Variants in PASD1 observed in about 807,000 individuals in gnomAD.
PASD1 encodes PAS domain containing repressor 1.
A neutral mutation model predicts 58.8 loss-of-function variants in PASD1; 13 were observed. That is an observed-to-expected ratio of 0.22 (90% CI 0.14 to 0.35). The LOEUF is 0.35. Ranked by LOEUF, PASD1 falls within the 10% of genes least tolerant of loss-of-function variation. PASD1 has a pLI of 1.00. For missense variants in PASD1, 734 were observed against 568.3 expected (o/e 1.29, Z -2.96); for synonymous variants, 236 against 216.7 (o/e 1.09, Z -0.78).
intron 9 of PASD1, among the ~76,000 whole-genome samples, chrX:151,651,089 A>G (rs375730589): frequency 8.9e-6 from 1 of 112,003 alleles, no homozygotes; most frequent in South Asian, 3.7e-4. Flanking sequence ...AGTACTCACA[A>G]AGGGTTAGTA....
intron 10 of PASD1, among the ~76,000 whole-genome samples, chrX:151,660,969 C>A (rs773053839): frequency 1.8e-5 from 2 of 111,206 alleles, no homozygotes; most frequent in African/African-American, 6.5e-5. Context: ...CTGGCTAACA[C>A]GGTGAAACCC....
At chrX:151,586,413 C>A (rs1045687169) in intron 1 of PASD1, among the ~76,000 whole-genome samples, 1 of 111,817 alleles carries the variant, frequency 8.9e-6, no homozygotes, top group Non-Finnish European at 1.9e-5. Flanking sequence ...CAAATGTTTA[C>A]AGACTGATTT....
Position 151,604,702 on chromosome X carries a change from A to C in PASD1, c.85A>C (p.Thr29Pro). The change falls in exon 3 of 16, where the codon ACC becomes CCC. Residue 29 changes from threonine (T) to proline (P), a missense_variant. Thr to Pro is a conservative substitution (Grantham distance 38). Coordinates refer to ENST00000370357, the MANE Select transcript of PASD1 (RefSeq NM_173493.3). The part of the protein sequence containing the change: ...RKLNWIPSFP[T>P]YDYFNQVTLQ... ...ATTAAACTGGATTCCATCATTTCCT[A>C]CCTATGATTACTTCAACCAAGTGAC... 8.3e-7 allele frequency: 1 copy of C among 1,208,316 alleles called. No homozygotes were observed. The highest frequency in any genetic ancestry group is 1.1e-6 in the Non-Finnish European group (1 of 892,889).
At chrX:151,630,910 A>G (rs1356323512) in intron 8 of PASD1, among the ~76,000 whole-genome samples, 1 of 112,121 alleles carries the variant, frequency 8.9e-6, no homozygotes, top group African/African-American at 3.2e-5. Flanking sequence ...CATTGAGGCT[A>G]CAGGTGTACC....
Position 151,623,031 on chromosome X carries a change from A to G in PASD1, c.513A>G (p.Gly171=), listed in dbSNP as rs5924977. Residue 171 remains glycine (G), a synonymous_variant, in exon 7 of 16, where the codon GGA becomes GGG. Coordinates refer to ENST00000370357, the MANE Select transcript of PASD1 (RefSeq NM_173493.3). ...VPQEDRLYLV[G]NVCILRTQLL... The stretch of plus-strand genomic sequence containing the variant: ...AGGAGGATCGGCTTTATCTTGTGGG[A>G]AATGTTTGCATTCTCAGGACTCAGC... The G allele has an allele frequency of 0.16, 195,509 of 1,205,328 alleles. 11,070 individuals carry two copies. Among genetic ancestry groups the G allele is most frequent in the South Asian group, 0.18 (10,412 of 56,450 alleles).
At chrX:151,648,561 G>C in intron 8 of PASD1, 54 bp from the exon 9 acceptor site, 1 of 1,093,506 alleles carries the variant, frequency 9.1e-7, no homozygotes, top group Non-Finnish European at 1.3e-6. Flanking sequence ...AGAAAATTTT[G>C]ATTTAAATGG....
intron 1 of PASD1, among the ~76,000 whole-genome samples, chrX:151,599,749 C>G (rs1304101084): frequency 9.3e-6 from 1 of 107,963 alleles, no homozygotes; most frequent in Non-Finnish European, 1.9e-5. Context: ...GATGGGATGA[C>G]GGCTGGGAAG....
intron 9 of PASD1, among the ~76,000 whole-genome samples, chrX:151,657,307 G>A (rs763376088): frequency 1.8e-5 from 2 of 111,812 alleles, no homozygotes; most frequent in East Asian, 2.8e-4. Flanking sequence ...AGGGATATTG[G>A]TCTAAAATTC....
intron 10 of PASD1, among the ~76,000 whole-genome samples, chrX:151,663,592 T>C (rs1298170707): frequency 8.9e-6 from 1 of 112,322 alleles, no homozygotes; most frequent in Non-Finnish European, 1.9e-5. Flanking sequence ...TTGGGAAGTA[T>C]GTGTTTAACT....
chrX:151,607,317 T>C (rs1055859495), intron 3 of PASD1, among the ~76,000 whole-genome samples: 3 of 112,370 alleles, frequency 2.7e-5, no homozygotes, highest in African/African-American at 9.7e-5. Context: ...TCATTTTTAC[T>C]TCTGTATTCT....
intron 9 of PASD1, among the ~76,000 whole-genome samples, chrX:151,652,815 G>A (rs2124299311): frequency 9.0e-6 from 1 of 111,621 alleles, no homozygotes; most frequent in South Asian, 3.8e-4. Flanking sequence ...ATAACGAGAA[G>A]GTTAGAGCAG....
rs761913378 is a variant in PASD1, at chrX:151,664,298, G to C, written c.1021G>C (p.Val341Leu). The change falls in exon 11 of 16, where the codon GTG (valine) becomes CTG (leucine). Residue 341 changes from valine to leucine, a missense_variant. By Grantham distance (32) the Val-to-Leu change is conservative (BLOSUM62 1). Coordinates refer to ENST00000370357, the MANE Select transcript of PASD1 (RefSeq NM_173493.3). ...PLDQAGLMDPVDPEDSVDLGA... is the reference protein window; with the variant it reads ...PLDQAGLMDPLDPEDSVDLGA... ...GGACCAGGCAGGCCTGATGGATCCAGTGGATCCAGAGGACTCAGTGGACCT... is the reference window on the plus strand; with the variant it reads ...GGACCAGGCAGGCCTGATGGATCCACTGGATCCAGAGGACTCAGTGGACCT... The C allele has an allele frequency of 8.3e-7, 1 of 1,209,967 alleles. No homozygotes were observed. Among genetic ancestry groups the C allele is most frequent in the Admixed American group, 2.2e-5 (1 of 45,850 alleles).
chrX:151,581,496 T>C (rs1427470217), intron 1 of PASD1, among the ~76,000 whole-genome samples: 1 of 109,412 alleles, frequency 9.1e-6, no homozygotes, highest in African/African-American at 3.3e-5. Flanking sequence ...GAGTCTGAGG[T>C]AGAGTATCAC....
intron 1 of PASD1, among the ~76,000 whole-genome samples, chrX:151,586,517 C>G (rs1021939400): frequency 1.8e-5 from 2 of 111,538 alleles, no homozygotes; most frequent in Non-Finnish European, 3.8e-5. Flanking sequence ...AGTAACAGCA[C>G]CTATCGAACA....
chrX:151,572,350 TA>T (rs1316720978), intron 1 of PASD1, among the ~76,000 whole-genome samples: 1 of 111,610 alleles, frequency 9.0e-6, no homozygotes. Flanking sequence ...GAATGATGAA[TA>T]AATAAATAAA....
chrX:151,578,920 A>AT (rs767645883), intron 1 of PASD1, among the ~76,000 whole-genome samples: 176 of 111,509 alleles, frequency 1.6e-3, no homozygotes, highest in Non-Finnish European at 2.7e-3. Flanking sequence ...ATATTATTTG[A>AT]TTTTTTTTCT....
At chrX:151,674,411 C>T (rs914994961) in intron 15 of PASD1, among the ~76,000 whole-genome samples, 16 of 112,557 alleles carry the variant, frequency 1.4e-4, no homozygotes, top group African/African-American at 4.2e-4. Flanking sequence ...GAACCTTAGA[C>T]GCAATCTGAC....
At chrX:151,640,762 C>A (rs781162658) in intron 8 of PASD1, among the ~76,000 whole-genome samples, 1 of 111,691 alleles carries the variant, frequency 9.0e-6, no homozygotes, top group East Asian at 2.8e-4. Context: ...CAGTGACTCA[C>A]CAACCAAAGC....
At chrX:151,675,561 C>T (rs767480793) in intron 15 of PASD1, among the ~76,000 whole-genome samples, 1 of 112,521 alleles carries the variant, frequency 8.9e-6, no homozygotes, top group African/African-American at 3.2e-5. Context: ...GTATCTATTC[C>T]TTCTCCCTCC....
Sources: allele counts gnomAD v4.1 joint callset (sites outside exome capture counted in the v4.1 genomes callset), GRCh38; gene constraint gnomAD v4.1.1; transcripts MANE v1.5; gene names NCBI Gene and HGNC (gene_info 2026-07-23, HGNC 2026-07-21).